FBXL17: variants seen among roughly 807,000 people sequenced by gnomAD.
The protein encoded by FBXL17 is F-box and leucine rich repeat protein 17.
FBXL17 carries 22 observed loss-of-function variants against 66.2 expected under a neutral mutation model. That is an observed-to-expected ratio of 0.33 (90% CI 0.24 to 0.47). The LOEUF (loss-of-function observed/expected upper bound fraction) is 0.47. Among genes scored for constraint, FBXL17 ranks in the 20% least tolerant of loss-of-function variants. The pLI is 1.00. For synonymous variants in FBXL17, 474 were observed against 400.5 expected (o/e 1.18, Z -2.19); for missense variants, 878 against 948.2 (o/e 0.93, Z 0.97).
At chr5:108,267,970 G>A (rs1344516978) in intron 4 of FBXL17, among the ~76,000 whole-genome samples, 2 of 152,056 alleles carry the variant, frequency 1.3e-5, no homozygotes, top group African/African-American at 2.4e-5. Context: ...CAGGGATGAT[G>A]TAAAATGCAA....
chr5:108,047,121 G>T (rs895015550), intron 6 of FBXL17, among the ~76,000 whole-genome samples: 1 of 152,214 alleles, frequency 6.6e-6, no homozygotes, highest in Non-Finnish European at 1.5e-5. Flanking sequence ...AAGGTATCAA[G>T]GTTCTTTCAA....
rs1045527815 is a variant in FBXL17, at chr5:108,107,617, C to T, written c.1745+78500G>A. ...CACGAGGTCAGGAGATTGAGATCATCCTGGCTAACACGGTGAAACCCCATC... is the reference window on the plus strand; with the variant it reads ...CACGAGGTCAGGAGATTGAGATCATTCTGGCTAACACGGTGAAACCCCATC... On this transcript the variant is annotated intron_variant, in intron 6 of 8. Transcript: ENST00000542267. Among the ~76,000 whole-genome samples the T allele has an allele frequency of 7.9e-5, 12 of 151,790 alleles. No homozygotes were observed. The East Asian group carries it at 1.4e-3, about 17-fold the overall frequency.
chr5:108,262,656 T>C (rs77944884), intron 4 of FBXL17, among the ~76,000 whole-genome samples: 2 of 152,100 alleles, frequency 1.3e-5, no homozygotes, highest in African/African-American at 2.4e-5. Context: ...GATTCCAAAA[T>C]GAGACAATAT....
intron 4 of FBXL17, among the ~76,000 whole-genome samples, chr5:108,301,809 T>G (rs1204614022): frequency 1.3e-5 from 2 of 151,758 alleles, no homozygotes; most frequent in African/African-American, 4.8e-5. Context: ...TTCAGCACAT[T>G]AATCCCAAGA....
chr5:108,228,661 C>T (rs1293043605), intron 4 of FBXL17, among the ~76,000 whole-genome samples: 4 of 152,032 alleles, frequency 2.6e-5, no homozygotes, highest in Admixed American at 6.6e-5. Context: ...TTCTGTATTC[C>T]GATTCTTAGC....
chr5:108,181,861 T>C (rs1367989366), intron 6 of FBXL17, among the ~76,000 whole-genome samples: 3 of 152,160 alleles, frequency 2.0e-5, no homozygotes, highest in Non-Finnish European at 2.9e-5. Context: ...ATTGACTGAT[T>C]AGCCATTCAC....
intron 6 of FBXL17, among the ~76,000 whole-genome samples, chr5:108,172,177 T>C (rs1752630958): frequency 6.6e-6 from 1 of 152,244 alleles, no homozygotes; most frequent in South Asian, 2.1e-4. Context: ...TGTTTAGACT[T>C]CCATCTTCAT....
At chr5:107,929,877 C>T (rs990940723) in intron 7 of FBXL17, among the ~76,000 whole-genome samples, 6 of 152,166 alleles carry the variant, frequency 3.9e-5, no homozygotes, top group African/African-American at 1.4e-4. Context: ...TTTTTATACT[C>T]TATTTCCCTA....
chr5:108,339,048 T>A (rs1349072315), intron 4 of FBXL17, among the ~76,000 whole-genome samples: 4 of 152,118 alleles, frequency 2.6e-5, no homozygotes, highest in Non-Finnish European at 5.9e-5. Context: ...AATAAAATGA[T>A]GGAAAAAGTG....
intron 6 of FBXL17, among the ~76,000 whole-genome samples, chr5:108,162,212 C>T (rs1013102581): frequency 2.0e-5 from 3 of 152,132 alleles, no homozygotes; most frequent in Non-Finnish European, 2.9e-5. Context: ...TCAATAAACA[C>T]CTGGGGCTGG....
At chr5:107,967,798 A>T (rs1346328237) in intron 7 of FBXL17, among the ~76,000 whole-genome samples, 3 of 152,142 alleles carry the variant, frequency 2.0e-5, no homozygotes, top group African/African-American at 7.2e-5. Context: ...AGGGTAAAAA[A>T]AATTTCTGTA....
intron 6 of FBXL17, among the ~76,000 whole-genome samples, chr5:108,170,727 T>C (rs1054949573): frequency 1.3e-5 from 2 of 152,048 alleles, no homozygotes; most frequent in African/African-American, 2.4e-5. Flanking sequence ...AGAGACAGGG[T>C]TTCACCATGT....
intron 4 of FBXL17, among the ~76,000 whole-genome samples, chr5:108,267,168 C>T (rs1757078127): frequency 6.6e-6 from 1 of 151,722 alleles, no homozygotes; most frequent in South Asian, 2.1e-4. Flanking sequence ...TTATTTAGGA[C>T]ATCATTAAAA....
At chr5:108,305,585 G>A (rs1758799758) in intron 4 of FBXL17, among the ~76,000 whole-genome samples, 1 of 152,006 alleles carries the variant, frequency 6.6e-6, no homozygotes, top group Admixed American at 6.6e-5. Flanking sequence ...TGTATGAGAG[G>A]AAAACTCACT....
At chr5:107,992,088 T>TTGTGTG (rs3039988) in intron 7 of FBXL17, among the ~76,000 whole-genome samples, 130 of 149,238 alleles carry the variant, frequency 8.7e-4, no homozygotes, top group Admixed American at 1.9e-3. Context: ...ATCATATTAA[T>TTGTGTG]TGTGTGTGTG....
chr5:108,009,198 T>C (rs1385903619), intron 7 of FBXL17, among the ~76,000 whole-genome samples: 1 of 6,920 alleles, frequency 1.4e-4, no homozygotes, highest in Non-Finnish European at 2.8e-4. Context: ...GAAAAGCATA[T>C]ATATATATAT....
At chr5:108,379,025 T>TG (rs1256969249) in intron 1 of FBXL17, among the ~76,000 whole-genome samples, 4 of 152,234 alleles carry the variant, frequency 2.6e-5, no homozygotes, top group Non-Finnish European at 5.9e-5. Context: ...GGCAAGCCCA[T>TG]GGTAATTCCC....
chr5:108,375,488 A>G (rs1044828692), intron 1 of FBXL17, among the ~76,000 whole-genome samples: 2 of 152,182 alleles, frequency 1.3e-5, no homozygotes, highest in Non-Finnish European at 2.9e-5. Context: ...CAAAAAGTAC[A>G]CAATTATAAG....
intron 6 of FBXL17, among the ~76,000 whole-genome samples, chr5:108,141,489 A>G (rs1751348644): frequency 6.6e-6 from 1 of 152,186 alleles, no homozygotes; most frequent in Non-Finnish European, 1.5e-5. Flanking sequence ...CAGAGTCTCA[A>G]ACCATACCTA....
Sources: gnomAD v4.1 joint callset for allele counts (sites outside exome capture counted in the v4.1 genomes callset) on GRCh38, gnomAD v4.1.1 for gene constraint, MANE v1.5 for transcripts, NCBI Gene and HGNC (gene_info 2026-07-23, HGNC 2026-07-21) for gene names.